HEATR5B: variants seen among roughly 807,000 people sequenced by gnomAD.
HEATR5B encodes HEAT repeat containing 5B, also known as HEAT repeat-containing protein 5B.
A neutral mutation model predicts 224.1 loss-of-function variants in HEATR5B; 156 were observed. The ratio of observed to expected loss-of-function variants is 0.70; its 90% CI spans 0.61 to 0.80. HEATR5B has a LOEUF of 0.80. HEATR5B is among the 30% of genes least tolerant of loss of function. The pLI, the probability that HEATR5B is intolerant of heterozygous loss-of-function variation, is 0.00. For missense variants in HEATR5B, 2,323 were observed against 2,535.5 expected, an observed-to-expected ratio of 0.92 and a Z score of 1.80; for synonymous variants, 1,027 against 893.0, an observed-to-expected ratio of 1.15 and a Z score of -2.68.
rs34270307 is a variant in HEATR5B, at chr2:37,080,776, T to TA, written c.127-1446dup. On this transcript the variant is annotated intron_variant, in intron 2 of 35. Coordinates refer to ENST00000233099, the MANE Select transcript of HEATR5B (RefSeq NM_019024.3). Reference sequence around the variant, plus strand: ...TATCACTGAAGGAATATGTACAGATTAAAAAAAAAAAAATGCCCTGAACTG... The same window carrying TA: ...TATCACTGAAGGAATATGTACAGATTAAAAAAAAAAAAAATGCCCTGAACTG... Among the ~76,000 whole-genome samples, 1,311 of 142,168 alleles carry TA rather than the reference T, an allele frequency of 9.2e-3. 8 individuals carry two copies. Among genetic ancestry groups the TA allele is most frequent in the African/African-American group, 0.02 (767 of 38,738 alleles). 93.3% of individuals were successfully genotyped at this position (142,168 alleles called of 152,430 possible). A position where few individuals can be genotyped will look rare whatever the true frequency, so the allele number is the denominator to read the frequency against.
At chr2:37,005,270 A>G (rs960340814) in intron 30 of HEATR5B, among the ~76,000 whole-genome samples, 3 of 152,178 alleles carry the variant, frequency 2.0e-5, no homozygotes, top group Non-Finnish European at 4.4e-5. Context: ...ATTCCTCTTG[A>G]AGATTTGATT....
chr2:37,077,084 T>A, intron 3 of HEATR5B, 65 bp from the exon 4 acceptor site: 2 of 1,350,668 alleles, frequency 1.5e-6, no homozygotes, highest in Non-Finnish European at 2.1e-6. Context: ...CTTTTCTCAT[T>A]TTTAGAAATC....
rs758749370 is a variant in HEATR5B, at chr2:37,002,527, C to A, written c.5096G>T (p.Gly1699Val). Residue 1699 changes from glycine to valine, a missense_variant, in exon 32 of 36, where the codon GGA becomes GTA. By Grantham distance (109) the Gly-to-Val change is moderately radical. Around this residue, in one of 12 missense-constraint regions of HEATR5B, gnomAD observed 844 missense variants for 812.9 expected, o/e 1.04. Coordinates refer to ENST00000233099, the MANE Select transcript of HEATR5B (RefSeq NM_019024.3). Reference protein sequence around the residue: ...EKEACTVLGEGGDSGGLIPGK... With the variant: ...EKEACTVLGEVGDSGGLIPGK... ...AGGAATGAGACCACCGCTGTCACCT[C>A]CTTCTCCCAATACGGTACAGGCCTC... The A allele has an allele frequency of 6.2e-7, 1 of 1,614,206 alleles. No homozygotes were observed. Among genetic ancestry groups the A allele is most frequent in the Non-Finnish European group, 8.5e-7 (1 of 1,180,032 alleles).
At chr2:37,029,004 C>T (rs1395899077) in intron 22 of HEATR5B, 84 bp from the exon 23 acceptor site, 1 of 1,360,948 alleles carries the variant, frequency 7.3e-7, no homozygotes, top group Non-Finnish European at 1.0e-6. Flanking sequence ...CCAAGTCTTA[C>T]ATATAAATTC....
intron 18 of HEATR5B, among the ~76,000 whole-genome samples, chr2:37,049,433 T>C (rs17020158): frequency 0.048 from 7,262 of 152,208 alleles, 318 homozygotes; most frequent in African/African-American, 0.11. Flanking sequence ...AAGAGCTGGA[T>C]TAGAAGCCCT....
intron 35 of HEATR5B, among the ~76,000 whole-genome samples, chr2:36,983,433 G>A (rs992712019): frequency 2.0e-5 from 3 of 152,186 alleles, no homozygotes; most frequent in Non-Finnish European, 4.4e-5. Flanking sequence ...CAGCTACTAG[G>A]GAGACTGAGG....
chr2:37,020,143 G>C (rs983436597), intron 25 of HEATR5B, among the ~76,000 whole-genome samples: 5 of 152,146 alleles, frequency 3.3e-5, no homozygotes, highest in African/African-American at 7.2e-5. Flanking sequence ...GACCTCAAAT[G>C]ATCCACCCAC....
chr2:37,002,905 T>C (rs1300836949), intron 31 of HEATR5B, among the ~76,000 whole-genome samples: 1 of 152,174 alleles, frequency 6.6e-6, no homozygotes, highest in East Asian at 1.9e-4. Context: ...ATTTGGTCCT[T>C]TCTAATGAAA....
Position 37,081,130 on chromosome 2 carries a change from T to G in HEATR5B, c.127-1799A>C, listed in dbSNP as rs541679243. Among the ~76,000 whole-genome samples, 5 of 152,278 alleles carry G rather than the reference T, an allele frequency of 3.3e-5. No homozygotes were observed. In the East Asian group the frequency reaches 9.6e-4, roughly 29 times the overall value. ...CTGTCATCAGTAATGGCTGGACAAG[T>G]GCTGTTTCAGTGGAGTGGAAGTAAA... On this transcript the variant is annotated intron_variant, in intron 2 of 35. Coordinates refer to ENST00000233099, the MANE Select transcript of HEATR5B (RefSeq NM_019024.3).
chr2:37,020,589 T>C, intron 25 of HEATR5B, 66 bp downstream of exon 25: 1 of 1,179,830 alleles, frequency 8.5e-7, no homozygotes, highest in East Asian at 2.5e-5. Flanking sequence ...CTCCAGGAAG[T>C]CTGCACTTCT....
chr2:37,069,205 G>C (rs1486816889), intron 7 of HEATR5B, among the ~76,000 whole-genome samples: 1 of 152,208 alleles, frequency 6.6e-6, no homozygotes, highest in Non-Finnish European at 1.5e-5. Flanking sequence ...ATTTACCCCA[G>C]TGATCGGGAA....
chr2:37,064,912 C>G lies in HEATR5B; in HGVS notation c.1412G>C (p.Cys471Ser). 2 of 1,614,168 alleles carry G rather than the reference C, an allele frequency of 1.2e-6. No homozygotes were observed. The highest frequency in any genetic ancestry group is 1.7e-6 in the Non-Finnish European group (2 of 1,180,016). ...ARLAAAWCLRCVAVALPFQLT... is the reference protein window; with the variant it reads ...ARLAAAWCLRSVAVALPFQLT... The stretch of plus-strand genomic sequence containing the variant: ...CTGGAAAGGTAATGCCACAGCCACA[C>G]AGCGCAAACACCATGCAGCAGCAAG... Residue 471 changes from cysteine (C) to serine (S), a missense_variant, in exon 10 of 36, where the codon TGT (cysteine) becomes TCT (serine). This residue lies in a region of HEATR5B where 502 missense variants were observed against 517.8 expected (regional missense o/e 0.97). Coordinates refer to ENST00000233099, the MANE Select transcript of HEATR5B (RefSeq NM_019024.3).
chr2:36,994,506 GATATACAA>G (rs1338694224), intron 33 of HEATR5B, among the ~76,000 whole-genome samples: 1 of 152,018 alleles, frequency 6.6e-6, no homozygotes, highest in Non-Finnish European at 1.5e-5. Context: ...TGCTTGCCTC[GATATACAA>G]ATATACAAAT....
chr2:37,007,978 C>T (rs1248256397), intron 28 of HEATR5B, among the ~76,000 whole-genome samples: 1 of 152,172 alleles, frequency 6.6e-6, no homozygotes, highest in East Asian at 1.9e-4. Flanking sequence ...TTTCTTTCTT[C>T]TTCTGCTATT....
chr2:36,981,843 T>C, intron 35 of HEATR5B, 49 bp from the exon 36 acceptor site: 1 of 1,420,352 alleles, frequency 7.0e-7, no homozygotes, highest in Non-Finnish European at 9.6e-7. Flanking sequence ...AGGATTATAA[T>C]AAACTTTAAA....
Position 37,028,166 on chromosome 2 carries a change from T to G in HEATR5B, c.3610A>C (p.Thr1204Pro), listed in dbSNP as rs765733438. The change falls in exon 24 of 36, where the codon ACT becomes CCT. Residue 1204 changes from threonine to proline, a missense_variant. By Grantham distance (38) the Thr-to-Pro change is conservative. Transcript: ENST00000233099. Reference sequence around the variant, plus strand: ...TTTCCACTACTTAAGAGAGTTGCAGTACTCATATCTATAACAAGAATAAGG... The same window carrying G: ...TTTCCACTACTTAAGAGAGTTGCAGGACTCATATCTATAACAAGAATAAGG... The part of the protein sequence containing the change: ...DVLAASSDMS[T>P]ATLLSSGKDE... 4 of 1,598,614 alleles carry G rather than the reference T, an allele frequency of 2.5e-6. No homozygotes were observed. Among genetic ancestry groups the G allele is most frequent in the Non-Finnish European group, 3.4e-6 (4 of 1,167,064 alleles).
chr2:37,011,729 A>C (rs1179533311), intron 27 of HEATR5B, among the ~76,000 whole-genome samples: 1 of 152,202 alleles, frequency 6.6e-6, no homozygotes, highest in African/African-American at 2.4e-5. Flanking sequence ...ATTTACTTCT[A>C]ATTCTTTACT....
In HEATR5B at chr2:37,079,277, T is replaced by G. The variant is rs765757174; in HGVS notation, c.181A>C (p.Ser61Arg). The change falls in exon 3 of 36, where the codon AGT becomes CGT. Residue 61 changes from serine to arginine, a missense_variant. Around this residue, in one of 12 missense-constraint regions of HEATR5B, gnomAD observed 292 missense variants for 332.6 expected, o/e 0.88. Transcript: ENST00000233099. ...CGTGTAGGTGGTCCAGGTGAACTAC[T>G]TATTAATCCAGTTAATTGTTCAACA... ...KLVEQLTGLISSSPGPPTRKL... is the reference protein window; with the variant it reads ...KLVEQLTGLIRSSPGPPTRKL... The G allele has an allele frequency of 1.2e-6, 2 of 1,613,118 alleles. No individual in the cohort carries two copies. Among genetic ancestry groups the G allele is most frequent in the South Asian group, 2.2e-5 (2 of 90,976 alleles).
At chr2:36,994,086 C>T (rs1038737694) in intron 33 of HEATR5B, among the ~76,000 whole-genome samples, 36 of 151,982 alleles carry the variant, frequency 2.4e-4, no homozygotes, top group African/African-American at 7.3e-4. Context: ...CCATGAAGTA[C>T]GTAGGAATAG....
Sources: gnomAD v4.1 joint callset for allele counts (sites outside exome capture counted in the v4.1 genomes callset) on GRCh38, gnomAD v4.1.1 for gene constraint, gnomAD v4.1.1 regional missense constraint, MANE v1.5 for transcripts, NCBI Gene and HGNC (gene_info 2026-07-23, HGNC 2026-07-21) for gene names.